TC2N: variants seen among roughly 807,000 people sequenced by gnomAD.
TC2N encodes tandem C2 domains, nuclear.
A neutral mutation model predicts 61.9 loss-of-function variants in TC2N; 51 were observed. That is an observed-to-expected ratio of 0.82 (90% CI 0.66 to 1.04). The LOEUF is 1.04. Ranked by LOEUF, TC2N falls within the 50% of genes least tolerant of loss-of-function variation. TC2N has a pLI of 0.00. For missense variants in TC2N, 556 were observed against 566.7 expected (o/e 0.98, Z 0.19); for synonymous variants, 204 against 192.6 (o/e 1.06, Z -0.49).
chr14:91,808,797 T>G lies in TC2N; in HGVS notation c.301+3515A>C, dbSNP rs540096726. ...ACCTTTTTTCTGATTATGAAAATAA[T>G]AGAGTAAAAACTCAAAATTATTTAA... is the stretch of plus-strand genomic sequence containing the variant. On this transcript the variant is annotated intron_variant, in intron 3 of 11. Coordinates refer to ENST00000435962, the MANE Select transcript of TC2N (RefSeq NM_001128596.3). Among the ~76,000 whole-genome samples the G allele has an allele frequency of 1.4e-3, 208 of 152,236 alleles. 1 individual carries two copies. Among genetic ancestry groups the G allele is most frequent in the Non-Finnish European group, 2.1e-3 (140 of 68,002 alleles).
chr14:91,825,616 G>C (rs1488719257), intron 1 of TC2N, among the ~76,000 whole-genome samples: 2 of 152,050 alleles, frequency 1.3e-5, no homozygotes, highest in Non-Finnish European at 2.9e-5. Context: ...ATAACTACCT[G>C]ATGTGCTAGA....
At position 91,787,440 on chromosome 14, in the gene TC2N, A is replaced by G. The variant is rs1885416990; in HGVS notation, c.1162+73T>C. The G allele has an allele frequency of 5.0e-6, 4 of 804,332 alleles. No homozygotes were observed. The South Asian group carries it at 7.7e-5, about 15-fold the overall frequency. The allele number at this position is 804,332 out of a possible 1,614,324, so 49.8% of individuals were successfully genotyped here. A position where few individuals can be genotyped will look rare whatever the true frequency, so the allele number is the denominator to read the frequency against. ...TACTAAGATTTTAATCTCCATTGTA[A>G]GAAATGTAAAAAAAATACTTTCTAT... is the stretch of plus-strand genomic sequence containing the variant. On this transcript the variant is annotated intron_variant, in intron 10 of 11. Transcript: ENST00000435962.
chr14:91,847,389 G>A (rs918217146), intron 1 of TC2N, among the ~76,000 whole-genome samples: 3 of 152,180 alleles, frequency 2.0e-5, no homozygotes, highest in African/African-American at 7.2e-5. Context: ...ATAGTGACTG[G>A]TCAACCAGCA....
chr14:91,859,421 G>A (rs1477236782), intron 1 of TC2N, among the ~76,000 whole-genome samples: 2 of 151,954 alleles, frequency 1.3e-5, no homozygotes, highest in African/African-American at 4.8e-5. Flanking sequence ...CTCCGTACCC[G>A]ATCAATCACC....
chr14:91,826,231 G>T (rs79701024), intron 1 of TC2N, among the ~76,000 whole-genome samples: 1,879 of 149,362 alleles, frequency 0.013, 93 homozygotes, highest in East Asian at 0.12. Flanking sequence ...GAGGTGGGAG[G>T]ATCACTTCAG....
intron 1 of TC2N, among the ~76,000 whole-genome samples, chr14:91,820,373 C>T (rs1238167150): frequency 2.0e-5 from 3 of 151,720 alleles, no homozygotes; most frequent in African/African-American, 7.3e-5. Flanking sequence ...AGGACAAAAA[C>T]TATAGGATAA....
At chr14:91,827,151 T>C (rs1595261046) in intron 1 of TC2N, among the ~76,000 whole-genome samples, 1 of 152,340 alleles carries the variant, frequency 6.6e-6, no homozygotes, top group South Asian at 2.1e-4. Context: ...GTTTCTTTCC[T>C]TTCATCCTTC....
intron 1 of TC2N, among the ~76,000 whole-genome samples, chr14:91,826,316 T>C (rs1887498142): frequency 2.4e-5 from 1 of 40,984 alleles, no homozygotes; most frequent in African/African-American, 8.3e-5. Flanking sequence ...TGAGACCTTG[T>C]CTGAAAAAAA....
intron 9 of TC2N, among the ~76,000 whole-genome samples, chr14:91,789,471 C>T (rs556998528): frequency 5.1e-4 from 77 of 151,670 alleles, no homozygotes; most frequent in Middle Eastern, 3.4e-3. Context: ...ATTAGCCACC[C>T]GTGGTGGCTG....
Position 91,812,303 on chromosome 14 carries a change from A to G in TC2N, c.301+9T>C. The G allele has an allele frequency of 6.6e-7, 1 of 1,523,338 alleles. No homozygotes were observed. Among genetic ancestry groups the G allele is most frequent in the Non-Finnish European group, 9.0e-7 (1 of 1,111,792 alleles). 94.4% of individuals were successfully genotyped at this position (1,523,338 alleles called of 1,614,324 possible). ...ATCGATTTTTAAATACTGCTATTTT[A>G]TTGTTTACCTTCAAGTTCTTCCAGA... On this transcript the variant is annotated intron_variant, in intron 3 of 11. Coordinates refer to ENST00000435962, the MANE Select transcript of TC2N (RefSeq NM_001128596.3).
At chr14:91,820,021 T>C (rs1172332285) in intron 1 of TC2N, among the ~76,000 whole-genome samples, 1 of 151,926 alleles carries the variant, frequency 6.6e-6, no homozygotes, top group Non-Finnish European at 1.5e-5. Context: ...AGAAAACAAA[T>C]AGCAAGATGA....
At chr14:91,808,112 C>G (rs1886598905) in intron 3 of TC2N, among the ~76,000 whole-genome samples, 1 of 152,154 alleles carries the variant, frequency 6.6e-6, no homozygotes, top group Admixed American at 6.5e-5. Flanking sequence ...ACTGTGATTC[C>G]ATTAAACCTC....
chr14:91,787,413 G>C (rs1387188608), intron 10 of TC2N, 100 bp downstream of exon 10: 2 of 659,618 alleles, frequency 3.0e-6, no homozygotes, highest in African/African-American at 3.9e-5. Context: ...AATAATAAAA[G>C]TTACTAAGAT....
chr14:91,845,440 A>C (rs1888252606), intron 1 of TC2N, among the ~76,000 whole-genome samples: 1 of 152,148 alleles, frequency 6.6e-6, no homozygotes. Flanking sequence ...CCTTTTGTTA[A>C]GTCACAGATT....
intron 1 of TC2N, among the ~76,000 whole-genome samples, chr14:91,830,738 A>AT (rs143465309): frequency 0.019 from 2,958 of 152,262 alleles, 94 homozygotes; most frequent in African/African-American, 0.067. Flanking sequence ...ATGATTTTTT[A>AT]AATTTACATC....
At chr14:91,823,752 T>C (rs1887369150) in intron 1 of TC2N, among the ~76,000 whole-genome samples, 3 of 152,168 alleles carry the variant, frequency 2.0e-5, no homozygotes, top group African/African-American at 7.2e-5. Context: ...GTTTGCTTTT[T>C]TAGCAACAAG....
At chr14:91,842,597 C>T (rs751815286) in intron 1 of TC2N, among the ~76,000 whole-genome samples, 2 of 152,090 alleles carry the variant, frequency 1.3e-5, no homozygotes, top group Non-Finnish European at 2.9e-5. Flanking sequence ...TGTTGCAAGG[C>T]CCAAACATGT....
At chr14:91,836,577 A>T (rs371557911) in intron 1 of TC2N, 1 of 80,738 alleles carries the variant, frequency 1.2e-5, no homozygotes. Flanking sequence ...CTAAGGGGCG[A>T]GGCGAGGCAA....
intron 3 of TC2N, 102 bp from the exon 4 acceptor site, chr14:91,802,523 T>A: frequency 1.0e-6 from 1 of 986,496 alleles, no homozygotes; most frequent in Non-Finnish European, 1.5e-6. Context: ...TTGTCTCAAG[T>A]AATACTAAAT....
Sources: gnomAD v4.1 joint callset for allele counts (sites outside exome capture counted in the v4.1 genomes callset) on GRCh38, gnomAD v4.1.1 for gene constraint, MANE v1.5 for transcripts, NCBI Gene and HGNC (gene_info 2026-07-23, HGNC 2026-07-21) for gene names.